PGGT1B: variants seen among roughly 807,000 people sequenced by gnomAD.
The protein encoded by PGGT1B is protein geranylgeranyltransferase type I subunit beta.
Under a neutral mutation model 46.1 loss-of-function variants are expected in PGGT1B, and 30 were observed. That is an observed-to-expected ratio of 0.65 (90% CI 0.49 to 0.88). PGGT1B has a LOEUF of 0.88. Ranked by LOEUF, PGGT1B falls within the 40% of genes least tolerant of loss-of-function variation. The probability of loss-of-function intolerance (pLI) is 0.00; values close to 1 mark genes in which losing one functional copy is unlikely to be tolerated. For synonymous variants in PGGT1B, 170 were observed against 160.0 expected (o/e 1.06, Z -0.47); for missense variants, 376 against 455.9 (o/e 0.82, Z 1.60).
chr5:115,239,650 G>A (rs1757290422), intron 3 of PGGT1B, among the ~76,000 whole-genome samples: 1 of 152,168 alleles, frequency 6.6e-6, no homozygotes, highest in African/African-American at 2.4e-5. Context: ...TCATAAGGGA[G>A]GGATAATAAT....
At chr5:115,238,145 GA>G in intron 3 of PGGT1B, 136 bp from the exon 4 acceptor site, 1 of 506,648 alleles carries the variant, frequency 2.0e-6, no homozygotes. Context: ...ATCTTATTGA[GA>G]AAAACAAATC....
intron 6 of PGGT1B, among the ~76,000 whole-genome samples, chr5:115,228,311 A>AT: frequency 6.6e-6 from 1 of 152,236 alleles, no homozygotes. Context: ...TTACAGGTGT[A>AT]GAGGATACAT....
At chr5:115,252,385 T>C (rs1282415561) in intron 2 of PGGT1B, among the ~76,000 whole-genome samples, 1 of 152,020 alleles carries the variant, frequency 6.6e-6, no homozygotes, top group East Asian at 1.9e-4. Flanking sequence ...TTTAGCTTAT[T>C]ATTTCTCCAA....
At chr5:115,213,319 A>G (rs946418064) in intron 8 of PGGT1B, among the ~76,000 whole-genome samples, 2 of 152,210 alleles carry the variant, frequency 1.3e-5, no homozygotes, top group African/African-American at 4.8e-5. Flanking sequence ...AAAGTGGCCA[A>G]TGAAATCACA....
chr5:115,252,222 T>C (rs1405946078), intron 2 of PGGT1B, among the ~76,000 whole-genome samples: 1 of 152,096 alleles, frequency 6.6e-6, no homozygotes, highest in Non-Finnish European at 1.5e-5. Flanking sequence ...TAGTTCAAAA[T>C]ACTTAAATCA....
In PGGT1B at chr5:115,212,216, C is replaced by T. The variant is rs889334266; in HGVS notation, c.*186G>A. On this transcript the variant is annotated 3_prime_UTR_variant, in exon 9 of 9. Transcript: ENST00000419445. Reference sequence around the variant, plus strand: ...GACAAAGTTGTGGTTCAAACTTCAACAAAGATTTTCTTGAAACCCAGTATA... The same window carrying T: ...GACAAAGTTGTGGTTCAAACTTCAATAAAGATTTTCTTGAAACCCAGTATA... 28 of 1,086,240 alleles carry T rather than the reference C, an allele frequency of 2.6e-5. 1 individual carries two copies. In the Admixed American group the frequency reaches 7.3e-4, roughly 28 times the overall value. The allele number at this position is 1,086,240 out of a possible 1,614,324, so 67.3% of individuals were successfully genotyped here.
chr5:115,205,717 A>C lies in PGGT1B; in HGVS notation c.*6685T>G, dbSNP rs1756043479. 1 of 152,078 alleles carries C rather than the reference A, an allele frequency of 6.6e-6. No individual in the cohort carries two copies. The highest frequency in any genetic ancestry group is 2.4e-5 in the African/African-American group (1 of 41,440). The allele number at this position is 152,078 out of a possible 1,614,324, so 9.4% of individuals were successfully genotyped here. A position where few individuals can be genotyped will look rare whatever the true frequency, so the allele number is the denominator to read the frequency against. On this transcript the variant is annotated 3_prime_UTR_variant, in exon 9 of 9. Transcript: ENST00000419445. ...TTTACTATCAGAAACCCATTTTCTG[A>C]TCATATTTAAAATCTTAGTGTCAAG...
At chr5:115,260,659 C>T (rs1425880338) in intron 1 of PGGT1B, among the ~76,000 whole-genome samples, 1 of 152,088 alleles carries the variant, frequency 6.6e-6, no homozygotes, top group Non-Finnish European at 1.5e-5. Context: ...ATCTTAAATG[C>T]GGTTAACTAG....
At chr5:115,244,255 G>T (rs1282971437) in intron 2 of PGGT1B, among the ~76,000 whole-genome samples, 1 of 151,666 alleles carries the variant, frequency 6.6e-6, no homozygotes, top group Non-Finnish European at 1.5e-5. Context: ...CACGAGGTCA[G>T]GAGATCAAGA....
At chr5:115,213,684 T>C (rs1350558944) in intron 8 of PGGT1B, among the ~76,000 whole-genome samples, 1 of 152,072 alleles carries the variant, frequency 6.6e-6, no homozygotes, top group African/African-American at 2.4e-5. Flanking sequence ...GGTGGGAGGC[T>C]CACCTGAGCC....
Position 115,207,318 on chromosome 5 carries a change from G to A in PGGT1B, c.*5084C>T, listed in dbSNP as rs753088652. On this transcript the variant is annotated 3_prime_UTR_variant, in exon 9 of 9. Coordinates refer to ENST00000419445, the MANE Select transcript of PGGT1B (RefSeq NM_005023.4). ...ATATTCATAAGGTGAATGCACCTAC[G>A]TAACCAGCACCTAGATCATGAAACA... is the stretch of plus-strand genomic sequence containing the variant. 95 of 150,984 alleles carry A rather than the reference G, an allele frequency of 6.3e-4. 1 individual carries two copies. The highest frequency in any genetic ancestry group is 2.2e-3 in the African/African-American group (92 of 41,146). The allele number at this position is 150,984 out of a possible 1,614,324, so 9.4% of individuals were successfully genotyped here. A position where few individuals can be genotyped will look rare whatever the true frequency, so the allele number is the denominator to read the frequency against.
intron 3 of PGGT1B, among the ~76,000 whole-genome samples, chr5:115,240,736 C>T (rs1394939094): frequency 6.6e-6 from 1 of 152,190 alleles, no homozygotes; most frequent in African/African-American, 2.4e-5. Context: ...TCTCCACTTA[C>T]CTTGCAAGTG....
intron 4 of PGGT1B, among the ~76,000 whole-genome samples, chr5:115,236,995 C>G (rs1004674929): frequency 6.6e-6 from 1 of 152,056 alleles, no homozygotes. Context: ...TTTAATTTTA[C>G]ATATTAGTTG....
intron 2 of PGGT1B, among the ~76,000 whole-genome samples, chr5:115,248,811 T>C (rs529183538): frequency 7.2e-5 from 11 of 152,194 alleles, no homozygotes; most frequent in Admixed American, 2.0e-4. Context: ...CTGAATCACT[T>C]TGCGTCTCAG....
intron 1 of PGGT1B, among the ~76,000 whole-genome samples, chr5:115,259,763 G>A (rs1357910413): frequency 7.3e-5 from 11 of 151,476 alleles, no homozygotes; most frequent in African/African-American, 2.7e-4. Context: ...AGGCAGGAGA[G>A]AGGTTACAAC....
intron 3 of PGGT1B, among the ~76,000 whole-genome samples, 194 bp downstream of exon 3, chr5:115,241,345 C>G (rs1757338905): frequency 6.6e-6 from 1 of 152,110 alleles, no homozygotes; most frequent in African/African-American, 2.4e-5. Context: ...AGAAAGTGCA[C>G]TTCTTTGAGG....
In PGGT1B at chr5:115,209,562, T is replaced by C. The variant is rs1282499136; in HGVS notation, c.*2840A>G. 6 of 152,082 alleles carry C rather than the reference T, an allele frequency of 3.9e-5. No homozygotes were observed. Among genetic ancestry groups the C allele is most frequent in the African/African-American group, 7.2e-5 (3 of 41,430 alleles). 9.4% of individuals were successfully genotyped at this position (152,082 alleles called of 1,614,324 possible). ...TGGTTTGTCCTCACTTAGTTGTATT[T>C]TGAAGTTCATAGAGATACCTTGTCA... On this transcript the variant is annotated 3_prime_UTR_variant, in exon 9 of 9. Coordinates refer to ENST00000419445, the MANE Select transcript of PGGT1B (RefSeq NM_005023.4).
rs1203080470 is a variant in PGGT1B, at chr5:115,204,563, T to C, written c.*7839A>G. 1 of 152,116 alleles carries C rather than the reference T, an allele frequency of 6.6e-6. No homozygotes were observed. The highest frequency in any genetic ancestry group is 1.5e-5 in the Non-Finnish European group (1 of 68,018). The allele number at this position is 152,116 out of a possible 1,614,324, so 9.4% of individuals were successfully genotyped here. A position where few individuals can be genotyped will look rare whatever the true frequency, so the allele number is the denominator to read the frequency against. On this transcript the variant is annotated 3_prime_UTR_variant, in exon 9 of 9. Coordinates refer to ENST00000419445, the MANE Select transcript of PGGT1B (RefSeq NM_005023.4). Reference sequence around the variant, plus strand: ...TAACGGAATACCATTTTCACCCACCTAGAATGAAAAAACTTTAAGCTTGAT... The same window carrying C: ...TAACGGAATACCATTTTCACCCACCCAGAATGAAAAAACTTTAAGCTTGAT...
rs577380503 is a variant in PGGT1B, at chr5:115,204,352, G to A, written c.*8050C>T. ...ATCTGCACTTTCTAACGAGTACCCA[G>A]GTGATGCTAGTGTTTCCATCTGTAG... is the stretch of plus-strand genomic sequence containing the variant. On this transcript the variant is annotated 3_prime_UTR_variant, in exon 9 of 9. Coordinates refer to ENST00000419445, the MANE Select transcript of PGGT1B (RefSeq NM_005023.4). 12 of 152,258 alleles carry A rather than the reference G, an allele frequency of 7.9e-5. 1 individual carries two copies. In the South Asian group the frequency reaches 2.3e-3, roughly 29 times the overall value. 9.4% of individuals were successfully genotyped at this position (152,258 alleles called of 1,614,324 possible).
Sources: gnomAD v4.1 joint callset for allele counts (sites outside exome capture counted in the v4.1 genomes callset) on GRCh38, gnomAD v4.1.1 for gene constraint, MANE v1.5 for transcripts, NCBI Gene and HGNC (gene_info 2026-07-23, HGNC 2026-07-21) for gene names.